PCDH15: variants seen among roughly 807,000 people sequenced by gnomAD.
The protein encoded by PCDH15 is protocadherin-15.
In PCDH15, 129 loss-of-function variants were observed where a neutral mutation model predicts 178.5. The observed-to-expected ratio is 0.72, with a 90% CI of 0.63 to 0.84. PCDH15 has a LOEUF of 0.84. Among genes scored for constraint, PCDH15 ranks in the 40% least tolerant of loss-of-function variants. The probability of loss-of-function intolerance (pLI) is 0.00; values close to 1 mark genes in which losing one functional copy is unlikely to be tolerated. For synonymous variants in PCDH15, 800 were observed against 732.0 expected (o/e 1.09, Z -1.50); for missense variants, 2,230 against 2,099.9 (o/e 1.06, Z -1.21).
chr10:54,579,396 G>A (rs1474313177), intron 2 of PCDH15, among the ~76,000 whole-genome samples: 2 of 152,060 alleles, frequency 1.3e-5, no homozygotes, highest in African/African-American at 4.8e-5. Context: ...GATAAAGAAT[G>A]TCATTAAATA....
intron 3 of PCDH15, among the ~76,000 whole-genome samples, chr10:54,824,157 G>C (rs1455494764): frequency 6.6e-6 from 1 of 151,932 alleles, no homozygotes; most frequent in East Asian, 1.9e-4. Flanking sequence ...CCTTTCTTTA[G>C]CTCTCTCACT....
At chr10:54,670,269 T>C (rs910502578) in intron 1 of PCDH15, among the ~76,000 whole-genome samples, 3 of 152,148 alleles carry the variant, frequency 2.0e-5, no homozygotes, top group African/African-American at 4.8e-5. Flanking sequence ...TCAACAGTTG[T>C]AAACATTAGA....
chr10:54,972,896 A>C (rs572283837), intron 2 of PCDH15, among the ~76,000 whole-genome samples: 1 of 151,208 alleles, frequency 6.6e-6, no homozygotes. Flanking sequence ...TTTACCTAGC[A>C]AATACACTCC....
At chr10:54,720,771 A>G (rs1941470893) in intron 1 of PCDH15, among the ~76,000 whole-genome samples, 1 of 152,044 alleles carries the variant, frequency 6.6e-6, no homozygotes, top group Non-Finnish European at 1.5e-5. Flanking sequence ...ATGAATAGAG[A>G]TAGACAGTTA....
chr10:54,902,402 G>A (rs1171251585), intron 2 of PCDH15, among the ~76,000 whole-genome samples: 2 of 152,084 alleles, frequency 1.3e-5, no homozygotes, highest in Non-Finnish European at 2.9e-5. Context: ...TGTCATTCTC[G>A]TGATAATGAT....
At chr10:54,556,096 G>C (rs897699485) in intron 2 of PCDH15, among the ~76,000 whole-genome samples, 1 of 152,164 alleles carries the variant, frequency 6.6e-6, no homozygotes, top group African/African-American at 2.4e-5. Context: ...ATTTATTTCA[G>C]ACCTTGCAAC....
chr10:54,600,089 A>G (rs2092455557), intron 2 of PCDH15: 1 of 1,066,364 alleles, frequency 9.4e-7, no homozygotes, highest in Non-Finnish European at 1.4e-6. Flanking sequence ...AAGGAATAGA[A>G]GGTAGAGAAA....
intron 8 of PCDH15, among the ~76,000 whole-genome samples, chr10:54,273,896 C>T (rs1257984295): frequency 6.6e-6 from 1 of 152,008 alleles, no homozygotes; most frequent in Non-Finnish European, 1.5e-5. Flanking sequence ...AAATGCCCAC[C>T]AGTGGTCTGC....
intron 2 of PCDH15, among the ~76,000 whole-genome samples, chr10:55,553,400 T>C (rs1229612650): frequency 6.6e-6 from 1 of 151,884 alleles, no homozygotes; most frequent in African/African-American, 2.4e-5. Flanking sequence ...TAAATCATTA[T>C]TACTCACTAA....
In PCDH15 at chr10:55,360,675, C is replaced by T. The variant is rs145685930; in HGVS notation, c.-155-194024G>A. Among the ~76,000 whole-genome samples, 6 of 152,072 alleles carry T rather than the reference C, an allele frequency of 3.9e-5. No individual in the cohort carries two copies. In the East Asian group the frequency reaches 1.2e-3, roughly 29 times the overall value. ...ACAATAGGATATCTCTATGTACTCA[C>T]CTCAAGGCTCAAACAATGAATGGAT... On this transcript the variant is annotated intron_variant, in intron 2 of 5. Transcript: ENST00000613346.
chr10:55,556,365 A>G (rs1842091053), intron 2 of PCDH15, among the ~76,000 whole-genome samples: 1 of 152,142 alleles, frequency 6.6e-6, no homozygotes, highest in South Asian at 2.1e-4. Context: ...CTATTGCTGC[A>G]TATCTTTGCC....
chr10:55,217,724 CAA>C (rs1437484633), intron 1 of PCDH15, among the ~76,000 whole-genome samples: 1 of 150,932 alleles, frequency 6.6e-6, no homozygotes, highest in Non-Finnish European at 1.5e-5. Flanking sequence ...TTAAATGACA[CAA>C]AAGAAAAAAA....
intron 1 of PCDH15, among the ~76,000 whole-genome samples, chr10:54,665,952 G>T (rs2094564454): frequency 6.6e-6 from 1 of 151,596 alleles, no homozygotes; most frequent in Admixed American, 6.6e-5. Context: ...TAAGAATGTG[G>T]CTTTTTTTTT....
At chr10:53,831,112 G>T in intron 30 of PCDH15, 1 of 760,446 alleles carries the variant, frequency 1.3e-6, no homozygotes, top group South Asian at 1.4e-5. Context: ...CAGGAATATT[G>T]GGCCATCAGT....
At chr10:54,824,227 T>G (rs1417844360) in intron 3 of PCDH15, among the ~76,000 whole-genome samples, 1 of 152,118 alleles carries the variant, frequency 6.6e-6, no homozygotes, top group East Asian at 1.9e-4. Context: ...GATTTAAACA[T>G]GTGTATAATA....
chr10:55,533,206 A>T (rs763566565), intron 2 of PCDH15, among the ~76,000 whole-genome samples: 6 of 152,046 alleles, frequency 3.9e-5, no homozygotes, highest in Non-Finnish European at 7.4e-5. Context: ...TATTTAGCAT[A>T]GTATTGGAAT....
intron 3 of PCDH15, among the ~76,000 whole-genome samples, chr10:54,397,596 T>A (rs929421199): frequency 7.2e-5 from 11 of 152,048 alleles, no homozygotes; most frequent in Non-Finnish European, 1.5e-5. Context: ...CTTAATTTTA[T>A]ATTATAAAAA....
chr10:54,146,946 T>G (rs2044006769), intron 14 of PCDH15, among the ~76,000 whole-genome samples: 1 of 142,506 alleles, frequency 7.0e-6, no homozygotes, highest in Non-Finnish European at 1.5e-5. Context: ...TGTATATATA[T>G]AGTGTATATA....
At chr10:54,271,594 A>T (rs2058052366) in intron 8 of PCDH15, among the ~76,000 whole-genome samples, 1 of 152,166 alleles carries the variant, frequency 6.6e-6, no homozygotes, top group Non-Finnish European at 1.5e-5. Flanking sequence ...CCATAGGCAC[A>T]AGATTTTGTT....
Sources: gnomAD v4.1 joint callset for allele counts (sites outside exome capture counted in the v4.1 genomes callset) on GRCh38, gnomAD v4.1.1 for gene constraint, MANE v1.5 for transcripts, NCBI Gene and HGNC (gene_info 2026-07-23, HGNC 2026-07-21) for gene names.